Variants in YIPF4 observed in about 807,000 individuals in gnomAD.
The protein encoded by YIPF4 is protein YIPF4.
A neutral mutation model predicts 29.4 loss-of-function variants in YIPF4; 18 were observed. That is an observed-to-expected ratio of 0.61 (90% CI 0.42 to 0.91). YIPF4 has a LOEUF of 0.91. YIPF4 is among the 40% of genes least tolerant of loss of function. The pLI is 0.00. For missense variants in YIPF4, 279 were observed against 282.7 expected (o/e 0.99, Z 0.09); for synonymous variants, 115 against 104.7 (o/e 1.10, Z -0.60).
In YIPF4 at chr2:32,311,654, C is replaced by G. The variant is rs373581595; in HGVS notation, c.*6028C>G. On this transcript the variant is annotated 3_prime_UTR_variant, in exon 6 of 6. Coordinates refer to ENST00000238831, the MANE Select transcript of YIPF4 (RefSeq NM_032312.4). ...TGTATATACAAGTTGTTAATACTTACGAAAAAAGGAAGCATTCCCACCTGT... is the reference window on the plus strand; with the variant it reads ...TGTATATACAAGTTGTTAATACTTAGGAAAAAAGGAAGCATTCCCACCTGT... The G allele has an allele frequency of 1.3e-5, 2 of 151,942 alleles. No homozygotes were observed. The highest frequency in any genetic ancestry group is 2.9e-5 in the Non-Finnish European group (2 of 67,968). 9.4% of individuals were successfully genotyped at this position (151,942 alleles called of 1,614,324 possible). A position where few individuals can be genotyped will look rare whatever the true frequency, so the allele number is the denominator to read the frequency against.
At position 32,280,082 on chromosome 2, in the gene YIPF4, C is replaced by G. The variant is rs1011323762; in HGVS notation, c.79+1848C>G. On this transcript the variant is annotated intron_variant, in intron 1 of 5. Coordinates refer to ENST00000238831, the MANE Select transcript of YIPF4 (RefSeq NM_032312.4). Reference sequence around the variant, plus strand: ...GGGTGGCTTATTCTCTTCAAGTGGACCCATGAAACCCTAAGGTCTGTGCCA... The same window carrying G: ...GGGTGGCTTATTCTCTTCAAGTGGAGCCATGAAACCCTAAGGTCTGTGCCA... 5.3e-5 allele frequency among the ~76,000 whole-genome samples: 8 copies of G among 150,428 alleles called. No homozygotes were observed. The South Asian group carries it at 1.3e-3, about 24-fold the overall frequency.
intron 3 of YIPF4, among the ~76,000 whole-genome samples, chr2:32,295,284 G>C (rs191114762): frequency 6.6e-5 from 10 of 152,266 alleles, no homozygotes; most frequent in African/African-American, 2.4e-4. Flanking sequence ...GGAGTAAAAA[G>C]TTACTGTTTA....
rs778553109 is a variant in YIPF4 at position 32,301,460 on chromosome 2, G to A, written c.562G>A (p.Val188Ile). Residue 188 changes from valine (V) to isoleucine (I), a missense_variant, in exon 5 of 6, where the codon GTT (valine) becomes ATT (isoleucine). Coordinates refer to ENST00000238831, the MANE Select transcript of YIPF4 (RefSeq NM_032312.4). ...LIVIAPVLLV[V>I]GSFEVVSTLI... ...TGTAATAGCCCCTGTACTTTTGGTG[G>A]TTGGATCATTTGAAGTGGTGTCTAC... is the stretch of plus-strand genomic sequence containing the variant. The A allele has an allele frequency of 1.2e-6, 2 of 1,613,344 alleles. No homozygotes were observed. The highest frequency in any genetic ancestry group is 2.2e-5 in the South Asian group (2 of 91,054).
At position 32,316,404 on chromosome 2, in the gene YIPF4, C is replaced by T. The variant is rs1479842965; in HGVS notation, c.*10778C>T. 1 of 152,166 alleles carries T rather than the reference C, an allele frequency of 6.6e-6. No individual in the cohort carries two copies. The highest frequency in any genetic ancestry group is 1.5e-5 in the Non-Finnish European group (1 of 68,032). 9.4% of individuals were successfully genotyped at this position (152,166 alleles called of 1,614,324 possible). On this transcript the variant is annotated 3_prime_UTR_variant, in exon 6 of 6. Transcript: ENST00000238831. ...AAATGTGAATTAACAACGTTGGCCT[C>T]TCGGATTCCCAAAACTTTAAAAGAT...
At chr2:32,281,686 G>A (rs2030420695) in intron 1 of YIPF4, among the ~76,000 whole-genome samples, 2 of 152,104 alleles carry the variant, frequency 1.3e-5, no homozygotes, top group East Asian at 3.9e-4. Context: ...TCGAGAGTTT[G>A]ATACCAGCCT....
chr2:32,288,125 T>G (rs1007770408), intron 1 of YIPF4, among the ~76,000 whole-genome samples: 1 of 152,186 alleles, frequency 6.6e-6, no homozygotes, highest in Non-Finnish European at 1.5e-5. Flanking sequence ...TTTTGGACTT[T>G]CCTGTTCTTT....
chr2:32,278,184 A>G lies in YIPF4; in HGVS notation c.29A>G (p.Tyr10Cys). The G allele has an allele frequency of 3.8e-6, 6 of 1,573,514 alleles. No homozygotes were observed. Among genetic ancestry groups the G allele is most frequent in the Non-Finnish European group, 5.2e-6 (6 of 1,160,124 alleles). The part of the protein sequence containing the change: MQPPGPPPA[Y>C]APTNGDFTFV... Reference sequence around the variant, plus strand: ...CAGCCTCCGGGCCCGCCCCCGGCCTATGCCCCCACTAACGGGGACTTCACC... The same window carrying G: ...CAGCCTCCGGGCCCGCCCCCGGCCTGTGCCCCCACTAACGGGGACTTCACC... The change falls in exon 1 of 6, where the codon TAT (tyrosine) becomes TGT (cysteine). Residue 10 changes from tyrosine (Y) to cysteine (C), a missense_variant. Tyr to Cys is a radical substitution (Grantham distance 194). Transcript: ENST00000238831.
At chr2:32,285,462 A>T (rs2030622306) in intron 1 of YIPF4, among the ~76,000 whole-genome samples, 1 of 152,122 alleles carries the variant, frequency 6.6e-6, no homozygotes, top group Non-Finnish European at 1.5e-5. Context: ...AAAAATTATA[A>T]TACCTGCAGC....
chr2:32,288,665 C>G (rs1558475636), intron 1 of YIPF4, among the ~76,000 whole-genome samples: 1 of 152,136 alleles, frequency 6.6e-6, no homozygotes, highest in Non-Finnish European at 1.5e-5. Context: ...CAAAAATTAG[C>G]CAGGCATGCT....
chr2:32,291,865 T>TA lies in YIPF4; in HGVS notation c.234-309dup, dbSNP rs1306472449. Among the ~76,000 whole-genome samples the TA allele has an allele frequency of 5.9e-5, 9 of 152,228 alleles. No individual in the cohort carries two copies. The East Asian group carries it at 1.7e-3, about 29-fold the overall frequency. ...AAAGTCACAAGCAGAAAATTTTACT[T>TA]AAAGTTTTCTTAAATTGATAGGGCT... On this transcript the variant is annotated intron_variant, in intron 2 of 5. Coordinates refer to ENST00000238831, the MANE Select transcript of YIPF4 (RefSeq NM_032312.4).
chr2:32,300,179 T>G (rs1465721486), intron 4 of YIPF4, among the ~76,000 whole-genome samples: 1 of 152,084 alleles, frequency 6.6e-6, no homozygotes, highest in Non-Finnish European at 1.5e-5. Flanking sequence ...GGCAGGAGAA[T>G]CTCTTGAACC....
Position 32,314,322 on chromosome 2 carries a change from C to T in YIPF4, c.*8696C>T, listed in dbSNP as rs757095288. ...CATTTATATGAAGTTCAAACACAGG[C>T]AAAATTAAGCTATAGTGTTTAGGGA... On this transcript the variant is annotated 3_prime_UTR_variant, in exon 6 of 6. Transcript: ENST00000238831. 8 of 152,160 alleles carry T rather than the reference C, an allele frequency of 5.3e-5. No homozygotes were observed. Among genetic ancestry groups the T allele is most frequent in the Non-Finnish European group, 1.2e-4 (8 of 68,040 alleles). The allele number at this position is 152,160 out of a possible 1,614,324, so 9.4% of individuals were successfully genotyped here.
intron 1 of YIPF4, among the ~76,000 whole-genome samples, chr2:32,285,142 G>A (rs1181394956): frequency 6.6e-6 from 1 of 152,148 alleles, no homozygotes; most frequent in Non-Finnish European, 1.5e-5. Flanking sequence ...TAAGTGGACA[G>A]ACATTTAAAA....
chr2:32,283,593 CT>C (rs1217721786), intron 1 of YIPF4, among the ~76,000 whole-genome samples: 2 of 152,226 alleles, frequency 1.3e-5, no homozygotes, highest in Admixed American at 1.3e-4. Context: ...CTTGCTTTAA[CT>C]GTCCCTCAGA....
chr2:32,281,548 G>T (rs909713576), intron 1 of YIPF4, among the ~76,000 whole-genome samples: 2 of 152,036 alleles, frequency 1.3e-5, no homozygotes, highest in Non-Finnish European at 1.5e-5. Context: ...AGCCTCATTT[G>T]TTCTTTATAA....
At chr2:32,301,055 A>C (rs535826497) in intron 4 of YIPF4, among the ~76,000 whole-genome samples, 1 of 152,344 alleles carries the variant, frequency 6.6e-6, no homozygotes, top group South Asian at 2.1e-4. Context: ...CCTTTAAATA[A>C]TTCTACAATT....
In YIPF4 at chr2:32,312,959, C is replaced by G. The variant is rs1416265496; in HGVS notation, c.*7333C>G. 1 of 152,398 alleles carries G rather than the reference C, an allele frequency of 6.6e-6. No individual in the cohort carries two copies. Among genetic ancestry groups the G allele is most frequent in the Non-Finnish European group, 1.5e-5 (1 of 68,228 alleles). The allele number at this position is 152,398 out of a possible 1,614,324, so 9.4% of individuals were successfully genotyped here. A position where few individuals can be genotyped will look rare whatever the true frequency, so the allele number is the denominator to read the frequency against. On this transcript the variant is annotated 3_prime_UTR_variant, in exon 6 of 6. Transcript: ENST00000238831. ...TAAGCAGAGATCGCGCCACTGCACT[C>G]CCGCCTGGGTGACAGAGCGAGACTC...
intron 1 of YIPF4, among the ~76,000 whole-genome samples, chr2:32,281,780 A>G (rs2030426722): frequency 1.3e-5 from 2 of 151,752 alleles, no homozygotes; most frequent in African/African-American, 2.4e-5. Context: ...TCCCAATCCC[A>G]GCTACCTAGG....
At chr2:32,294,310 C>T (rs1378228917) in intron 3 of YIPF4, among the ~76,000 whole-genome samples, 50 of 149,858 alleles carry the variant, frequency 3.3e-4, no homozygotes, top group African/African-American at 1.1e-3. Flanking sequence ...ACTTCTCAGA[C>T]GGGGCGGCTG....
Sources: allele counts gnomAD v4.1 joint callset (sites outside exome capture counted in the v4.1 genomes callset), GRCh38; gene constraint gnomAD v4.1.1; transcripts MANE v1.5; gene names NCBI Gene and HGNC (gene_info 2026-07-23, HGNC 2026-07-21).